CCDC149: variants seen among roughly 807,000 people sequenced by gnomAD.
CCDC149 encodes coiled-coil domain containing 149, also known as coiled-coil domain-containing protein 149.
Under a neutral mutation model 59.9 loss-of-function variants are expected in CCDC149, and 45 were observed. That is an observed-to-expected ratio of 0.75 (90% CI 0.59 to 0.96). The LOEUF is 0.96. Ranked by LOEUF, CCDC149 falls within the 40% of genes least tolerant of loss-of-function variation. The probability of loss-of-function intolerance (pLI) is 0.00; values close to 1 mark genes in which losing one functional copy is unlikely to be tolerated. For missense variants in CCDC149, 584 were observed against 664.7 expected (o/e 0.88, Z 1.33); for synonymous variants, 245 against 260.6 (o/e 0.94, Z 0.58).
At chr4:24,867,665 G>A (rs766054469) in intron 3 of CCDC149, among the ~76,000 whole-genome samples, 11 of 152,176 alleles carry the variant, frequency 7.2e-5, no homozygotes, top group Non-Finnish European at 1.6e-4. Context: ...TTTTTTGCAG[G>A]CATGTTCTAC....
intron 1 of CCDC149, among the ~76,000 whole-genome samples, chr4:24,906,373 TTA>T (rs1369332307): frequency 4.0e-5 from 1 of 25,084 alleles, no homozygotes; most frequent in African/African-American, 7.2e-5. Context: ...AAATTTTATT[TTA>T]TTTTATTTTA....
intron 1 of CCDC149, among the ~76,000 whole-genome samples, chr4:24,963,747 A>T (rs1293426383): frequency 1.3e-5 from 2 of 152,250 alleles, no homozygotes. Context: ...GAAATGAATG[A>T]GATGTTGGAG....
At chr4:24,873,586 A>T in intron 3 of CCDC149, 95 bp downstream of exon 3, 1 of 852,144 alleles carries the variant, frequency 1.2e-6, no homozygotes, top group Non-Finnish European at 2.0e-6. Context: ...AATTCCAGGA[A>T]ATTAAAGGAA....
At chr4:24,865,297 C>G (rs1299001460) in intron 3 of CCDC149, among the ~76,000 whole-genome samples, 1 of 152,108 alleles carries the variant, frequency 6.6e-6, no homozygotes, top group Non-Finnish European at 1.5e-5. Flanking sequence ...TAGGAAAGTA[C>G]TAGATTAAGC....
intron 1 of CCDC149, among the ~76,000 whole-genome samples, chr4:24,952,017 T>C (rs1409673718): frequency 6.6e-6 from 1 of 152,176 alleles, no homozygotes; most frequent in African/African-American, 2.4e-5. Flanking sequence ...TGTTGGGTGC[T>C]CATTGCCTTT....
intron 1 of CCDC149, among the ~76,000 whole-genome samples, chr4:24,887,807 T>TA (rs35092333): frequency 0.23 from 34,600 of 147,670 alleles, 3,926 homozygotes; most frequent in East Asian, 0.31. Context: ...CACTCTTCTT[T>TA]AAAAAAAAAA....
chr4:24,893,613 C>CTGTTTTTTTTTTTTTTTTTTTTT (rs1720656007), intron 1 of CCDC149, among the ~76,000 whole-genome samples: 1 of 65,876 alleles, frequency 1.5e-5, no homozygotes, highest in Non-Finnish European at 2.6e-5. Context: ...AAAATACAGA[C>CTGTTTTTTTTTTTTTTTTTTTTT]TTTTTTTTTT....
intron 1 of CCDC149, among the ~76,000 whole-genome samples, chr4:24,944,064 G>A (rs1176285739): frequency 1.3e-5 from 2 of 152,140 alleles, no homozygotes; most frequent in Non-Finnish European, 1.5e-5. Flanking sequence ...ATACCCAAAG[G>A]ATTATAAATC....
At chr4:24,962,978 A>T (rs1017744722) in intron 1 of CCDC149, among the ~76,000 whole-genome samples, 10 of 148,686 alleles carry the variant, frequency 6.7e-5, no homozygotes, top group Admixed American at 1.3e-4. Context: ...ATAAAAACTT[A>T]AAAAAAAAAG....
At chr4:24,961,330 G>C (rs2110460) in intron 1 of CCDC149, among the ~76,000 whole-genome samples, 1 of 152,006 alleles carries the variant, frequency 6.6e-6, no homozygotes, top group East Asian at 1.9e-4. Context: ...TTTAAGAAAA[G>C]CATGCTCCGC....
chr4:24,807,648 C>T lies in CCDC149; in HGVS notation c.*741G>A, dbSNP rs1397624937. ...CAGACCACCACTGGGAGTCCTGTTCCCCGGCTTTTATGCTCACCCCTCCCA... is the reference window on the plus strand; with the variant it reads ...CAGACCACCACTGGGAGTCCTGTTCTCCGGCTTTTATGCTCACCCCTCCCA... On this transcript the variant is annotated 3_prime_UTR_variant, in exon 13 of 13. Transcript: ENST00000635206. The T allele has an allele frequency of 6.6e-6, 1 of 152,250 alleles. No homozygotes were observed. Among genetic ancestry groups the T allele is most frequent in the African/African-American group, 2.4e-5 (1 of 41,448 alleles). 9.4% of individuals were successfully genotyped at this position (152,250 alleles called of 1,614,324 possible). A position where few individuals can be genotyped will look rare whatever the true frequency, so the allele number is the denominator to read the frequency against.
rs1714181817 is a variant in CCDC149 at position 24,806,473 on chromosome 4, G to A, written c.*1916C>T. The A allele has an allele frequency of 6.6e-6, 1 of 152,224 alleles. No homozygotes were observed. The highest frequency in any genetic ancestry group is 2.4e-5 in the African/African-American group (1 of 41,438). The allele number at this position is 152,224 out of a possible 1,614,324, so 9.4% of individuals were successfully genotyped here. A position where few individuals can be genotyped will look rare whatever the true frequency, so the allele number is the denominator to read the frequency against. On this transcript the variant is annotated 3_prime_UTR_variant, in exon 13 of 13. Coordinates refer to ENST00000635206, the MANE Select transcript of CCDC149 (RefSeq NM_001330643.2). ...AAGATGTGCATCTGGCCGATGGTGG[G>A]TCAAAACCAGAGTTCTGCAGGCTGA...
chr4:24,825,600 C>T (rs1282498121), intron 9 of CCDC149, among the ~76,000 whole-genome samples: 4 of 151,990 alleles, frequency 2.6e-5, no homozygotes, highest in East Asian at 3.9e-4. Context: ...GGTGAAACCC[C>T]GTCTCTACTA....
At chr4:24,973,381 T>C (rs1724040370) in intron 1 of CCDC149, among the ~76,000 whole-genome samples, 1 of 152,198 alleles carries the variant, frequency 6.6e-6, no homozygotes, top group Admixed American at 6.5e-5. Flanking sequence ...GGTGGTCCCA[T>C]GGGTGTACAC....
chr4:24,817,064 A>T (rs1715062921), intron 12 of CCDC149, among the ~76,000 whole-genome samples: 1 of 152,182 alleles, frequency 6.6e-6, no homozygotes, highest in Non-Finnish European at 1.5e-5. Flanking sequence ...GGGTAGGAAC[A>T]ATGAGAGCTA....
intron 7 of CCDC149, among the ~76,000 whole-genome samples, chr4:24,835,578 A>G (rs1181688349): frequency 1.3e-5 from 2 of 152,256 alleles, no homozygotes; most frequent in African/African-American, 2.4e-5. Flanking sequence ...AACTGAATAA[A>G]TGTTGTTAAA....
intron 1 of CCDC149, among the ~76,000 whole-genome samples, chr4:24,976,081 G>A (rs1724179702): frequency 6.6e-6 from 1 of 152,040 alleles, no homozygotes; most frequent in South Asian, 2.1e-4. Flanking sequence ...AAGATTTGGT[G>A]GCAATCATTT....
At chr4:24,833,331 C>A (rs1476785559) in intron 8 of CCDC149, among the ~76,000 whole-genome samples, 2 of 151,802 alleles carry the variant, frequency 1.3e-5, no homozygotes, top group South Asian at 4.2e-4. Context: ...TGTATAGATA[C>A]AGAATTATTT....
rs192263255 is a variant in CCDC149 at position 24,938,790 on chromosome 4, C to G, written c.-65+41279G>C. Among the ~76,000 whole-genome samples the G allele has an allele frequency of 1.8e-3, 273 of 152,372 alleles. 2 individuals are homozygous for G. The highest frequency in any genetic ancestry group is 2.0e-3 in the Non-Finnish European group (135 of 68,046). On this transcript the variant is annotated intron_variant, in intron 1 of 12. Coordinates refer to the CCDC149 transcript ENST00000389609. ...AGGGTCCTACGCCCACGGAGCCTCA[C>G]TCATTGTTAGCACAGCAGTCTGAGA...
Sources: gnomAD v4.1 joint callset for allele counts (sites outside exome capture counted in the v4.1 genomes callset) on GRCh38, gnomAD v4.1.1 for gene constraint, MANE v1.5 for transcripts, NCBI Gene and HGNC (gene_info 2026-07-23, HGNC 2026-07-21) for gene names.